PLEKHA1: variants seen among roughly 807,000 people sequenced by gnomAD.
The protein encoded by PLEKHA1 is pleckstrin homology domain-containing family A member 1.
In PLEKHA1, 34 loss-of-function variants were observed where a neutral mutation model predicts 52.0. The ratio of observed to expected loss-of-function variants is 0.65; its 90% CI spans 0.50 to 0.87. The LOEUF (loss-of-function observed/expected upper bound fraction) is 0.87. Ranked by LOEUF, PLEKHA1 falls within the 40% of genes least tolerant of loss-of-function variation. The pLI is 0.00. For synonymous variants in PLEKHA1, 163 were observed against 170.7 expected, an observed-to-expected ratio of 0.95 and a Z score of 0.35; for missense variants, 497 against 504.2, an observed-to-expected ratio of 0.99 and a Z score of 0.14.
Position 122,431,326 on chromosome 10 carries a change from GC to G in PLEKHA1, c.*1390del, listed in dbSNP as rs1766796131. On this transcript the variant is annotated 3_prime_UTR_variant, in exon 12 of 12. Coordinates refer to ENST00000368990, the MANE Select transcript of PLEKHA1 (RefSeq NM_001001974.4). The stretch of plus-strand genomic sequence containing the variant: ...GTAGAGATGGGGTTTCACCATGTTG[GC>G]CAGGCTCGTCTCGAACTCCTGACTT... 1 of 152,530 alleles carries G rather than the reference GC, an allele frequency of 6.6e-6. No homozygotes were observed. Among genetic ancestry groups the G allele is most frequent in the Non-Finnish European group, 1.5e-5 (1 of 68,070 alleles). 9.4% of individuals were successfully genotyped at this position (152,530 alleles called of 1,614,324 possible).
Position 122,429,820 on chromosome 10 carries a change from C to A in PLEKHA1, c.1097C>A (p.Pro366Gln). The change falls in exon 12 of 12, where the codon CCA (proline) becomes CAA (glutamine). Residue 366 changes from proline (P) to glutamine (Q), a missense_variant. Physicochemically the swap from Pro to Gln is moderately conservative, Grantham distance 76 (BLOSUM62 -1). Coordinates refer to ENST00000368990, the MANE Select transcript of PLEKHA1 (RefSeq NM_001001974.4). ...GTCCAGACTGTCTCTCCAAGAGAAC[C>A]AGCTTCCAAAGTGACTGAACAAGCT... ...FKVQTVSPRE[P>Q]ASKVTEQALL... is the part of the protein sequence containing the mutation. The A allele has an allele frequency of 6.2e-7, 1 of 1,614,176 alleles. No homozygotes were observed. The highest frequency in any genetic ancestry group is 1.3e-5 in the African/African-American group (1 of 75,046).
chr10:122,406,741 C>T (rs1034313486), intron 5 of PLEKHA1, 68 bp downstream of exon 5: 1 of 1,178,774 alleles, frequency 8.5e-7, no homozygotes, highest in African/African-American at 1.5e-5. Flanking sequence ...TGAAAATACA[C>T]CTACCAAATG....
intron 1 of PLEKHA1, among the ~76,000 whole-genome samples, chr10:122,386,028 T>G (rs12269536): frequency 0.068 from 10,392 of 152,246 alleles, 1,219 homozygotes; most frequent in African/African-American, 0.24. Flanking sequence ...GGTTGTTCGC[T>G]AAGGATCTGT....
At chr10:122,388,120 A>G (rs987077060) in intron 1 of PLEKHA1, 2 of 152,174 alleles carry the variant, frequency 1.3e-5, no homozygotes, top group Non-Finnish European at 2.9e-5. Flanking sequence ...ACCTATATCT[A>G]CTGTCAAAAC....
At chr10:122,413,114 T>G in intron 6 of PLEKHA1, 69 bp downstream of exon 6, 2 of 1,335,692 alleles carry the variant, frequency 1.5e-6, no homozygotes, top group Non-Finnish European at 2.0e-6. Flanking sequence ...TTATTAAAAC[T>G]AAAACAGTGC....
In PLEKHA1 at chr10:122,426,439, A is replaced by G. The variant is rs2097340693; in HGVS notation, c.811-503A>G. On this transcript the variant is annotated intron_variant, in intron 10 of 11. Transcript: ENST00000368990. ...ATCTCTGCACCCCGATTGGGGCCTT[A>G]TTTAATTGGATTAATTTCATAGTAA... is the stretch of plus-strand genomic sequence containing the variant. Among the ~76,000 whole-genome samples the G allele has an allele frequency of 2.6e-5, 4 of 152,158 alleles. No homozygotes were observed. The South Asian group carries it at 8.3e-4, about 31-fold the overall frequency.
At chr10:122,411,360 G>A (rs539958349) in intron 5 of PLEKHA1, among the ~76,000 whole-genome samples, 20 of 152,290 alleles carry the variant, frequency 1.3e-4, no homozygotes, top group Admixed American at 1.0e-3. Flanking sequence ...CATTTGTGTG[G>A]ATTGGGACTT....
downstream of PLEKHA1, chr10:122,432,934 C>T (rs2097425160): frequency 6.6e-6 from 1 of 152,206 alleles, no homozygotes; most frequent in African/African-American, 2.4e-5. Context: ...GTGAACTTCC[C>T]ACATTAGAGA....
At chr10:122,438,661 A>T in the PLEKHA1 span, 1 of 152,240 alleles carries the variant, frequency 6.6e-6, no homozygotes, top group Non-Finnish European at 1.5e-5. Context: ...TCTGAGCAGC[A>T]CTGAAAACCC....
chr10:122,386,539 T>G (rs1342352917), intron 1 of PLEKHA1: 1 of 152,186 alleles, frequency 6.6e-6, no homozygotes, highest in East Asian at 1.9e-4. Flanking sequence ...TTGTGTCTTA[T>G]CTAAGAAATA....
intron 1 of PLEKHA1, among the ~76,000 whole-genome samples, chr10:122,375,133 G>C (rs1389438862): frequency 2.0e-5 from 3 of 151,506 alleles, no homozygotes; most frequent in African/African-American, 7.3e-5. Flanking sequence ...GGCGCCCGGC[G>C]GGGGAGGGCG....
At chr10:122,379,398 A>G (rs2096583872) in intron 1 of PLEKHA1, among the ~76,000 whole-genome samples, 2 of 152,030 alleles carry the variant, frequency 1.3e-5, no homozygotes, top group Admixed American at 1.3e-4. Flanking sequence ...ATTTCTCATC[A>G]ATTCTCTTTG....
At position 122,432,176 on chromosome 10, in the gene PLEKHA1, A is replaced by C. The variant is rs2097421188; in HGVS notation, c.*2238A>C. On this transcript the variant is annotated 3_prime_UTR_variant, in exon 12 of 12. Coordinates refer to ENST00000368990, the MANE Select transcript of PLEKHA1 (RefSeq NM_001001974.4). ...AAATATGTCACATCTGAGTTCAAAA[A>C]AATTACTTTGAATACCTTAATATTT... 1 of 152,198 alleles carries C rather than the reference A, an allele frequency of 6.6e-6. No homozygotes were observed. The highest frequency in any genetic ancestry group is 1.9e-4 in the East Asian group (1 of 5,198). The allele number at this position is 152,198 out of a possible 1,614,324, so 9.4% of individuals were successfully genotyped here. A position where few individuals can be genotyped will look rare whatever the true frequency, so the allele number is the denominator to read the frequency against.
At chr10:122,391,169 G>GTATT (rs1274161782) in intron 1 of PLEKHA1, among the ~76,000 whole-genome samples, 1 of 151,694 alleles carries the variant, frequency 6.6e-6, no homozygotes, top group Non-Finnish European at 1.5e-5. Context: ...AGTTACTTAT[G>GTATT]TATTCTGGAT....
chr10:122,433,055 T>G (rs2097425664), downstream of PLEKHA1: 1 of 152,150 alleles, frequency 6.6e-6, no homozygotes, highest in Admixed American at 6.5e-5. Context: ...GCTTGTTGTG[T>G]CTAATCCATT....
the PLEKHA1 span, chr10:122,438,018 G>A: frequency 6.6e-6 from 1 of 152,216 alleles, no homozygotes; most frequent in Non-Finnish European, 1.5e-5. Context: ...CAGTTTTGGA[G>A]GTCTAGGTGG....
At chr10:122,413,186 A>G (rs2097130210) in intron 6 of PLEKHA1, 141 bp downstream of exon 6, 2 of 763,850 alleles carry the variant, frequency 2.6e-6, no homozygotes, top group South Asian at 5.2e-5. Flanking sequence ...TTTCAAAAGT[A>G]TTTATTATAA....
At chr10:122,379,700 T>C (rs2096588565) in intron 1 of PLEKHA1, among the ~76,000 whole-genome samples, 1 of 152,240 alleles carries the variant, frequency 6.6e-6, no homozygotes. Flanking sequence ...TGATCCTCTA[T>C]GTCTATATAT....
chr10:122,429,843 G>A lies in PLEKHA1; in HGVS notation c.1120G>A (p.Ala374Thr). ...ACCAGCTTCCAAAGTGACTGAACAA[G>A]CTCTGTTAAGACCTCAAAGTAAAAA... ...REPASKVTEQ[A>T]LLRPQSKNGP... The change falls in exon 12 of 12, where the codon GCT becomes ACT. Residue 374 changes from alanine (A) to threonine (T), a missense_variant. Coordinates refer to ENST00000368990, the MANE Select transcript of PLEKHA1 (RefSeq NM_001001974.4). The A allele has an allele frequency of 6.2e-7, 1 of 1,614,160 alleles. No individual in the cohort carries two copies. The highest frequency in any genetic ancestry group is 8.5e-7 in the Non-Finnish European group (1 of 1,180,032).
Sources: allele counts gnomAD v4.1 joint callset (sites outside exome capture counted in the v4.1 genomes callset), GRCh38; gene constraint gnomAD v4.1.1; transcripts MANE v1.5; gene names NCBI Gene and HGNC (gene_info 2026-07-23, HGNC 2026-07-21).